Variants in SGCZ observed in about 807,000 individuals in gnomAD.
SGCZ encodes sarcoglycan zeta.
Under a neutral mutation model 41.3 loss-of-function variants are expected in SGCZ, and 40 were observed. The observed-to-expected ratio is 0.97, with a 90% CI of 0.75 to 1.26. The LOEUF (loss-of-function observed/expected upper bound fraction) is 1.26. Among genes scored for constraint, SGCZ ranks in the 50% most tolerant of loss-of-function variants. SGCZ has a pLI of 0.00. For missense variants in SGCZ, 552 were observed against 369.8 expected, an observed-to-expected ratio of 1.49 and a Z score of -4.04; for synonymous variants, 206 against 137.5, an observed-to-expected ratio of 1.50 and a Z score of -3.49.
At chr8:15,113,840 G>A (rs1206466744) in intron 1 of SGCZ, among the ~76,000 whole-genome samples, 1 of 152,172 alleles carries the variant, frequency 6.6e-6, no homozygotes, top group African/African-American at 2.4e-5. Flanking sequence ...ACAGATTTGT[G>A]AGCCATTCCT....
chr8:14,324,300 C>G, intron 2 of SGCZ, 96 bp from the exon 3 acceptor site: 1 of 824,882 alleles, frequency 1.2e-6, no homozygotes, highest in Non-Finnish European at 2.0e-6. Context: ...ACAGTGAGCT[C>G]AAATCAGTGA....
chr8:14,864,543 G>C (rs1201405885), intron 1 of SGCZ, among the ~76,000 whole-genome samples: 1 of 152,076 alleles, frequency 6.6e-6, no homozygotes, highest in Non-Finnish European at 1.5e-5. Flanking sequence ...TTGTGTCCCG[G>C]TGACTTGTAT....
At chr8:15,033,109 C>A (rs1803741218) in intron 1 of SGCZ, among the ~76,000 whole-genome samples, 1 of 152,030 alleles carries the variant, frequency 6.6e-6, no homozygotes, top group Non-Finnish European at 1.5e-5. Flanking sequence ...AGGCTCAGGT[C>A]CAGGCCTGCT....
In SGCZ at chr8:14,478,264, G is replaced by A. The variant is rs536309482; in HGVS notation, c.234+76468C>T. On this transcript the variant is annotated intron_variant, in intron 2 of 7. Transcript: ENST00000382080. ...AAGAATGTTTATAGCAGCTTTATTTGCCAAACTGGTAAGCAACCAAGATGT... is the reference window on the plus strand; with the variant it reads ...AAGAATGTTTATAGCAGCTTTATTTACCAAACTGGTAAGCAACCAAGATGT... Among the ~76,000 whole-genome samples, 5 of 152,322 alleles carry A rather than the reference G, an allele frequency of 3.3e-5. No individual in the cohort carries two copies. The East Asian group carries it at 7.7e-4, about 24-fold the overall frequency.
At chr8:14,831,316 T>C (rs532520872) in intron 1 of SGCZ, among the ~76,000 whole-genome samples, 3 of 152,270 alleles carry the variant, frequency 2.0e-5, no homozygotes, top group African/African-American at 7.2e-5. Flanking sequence ...TGCTTCACTG[T>C]TAAATAAATA....
chr8:14,902,898 G>A (rs576347227), intron 1 of SGCZ, among the ~76,000 whole-genome samples: 42 of 152,006 alleles, frequency 2.8e-4, no homozygotes, highest in Middle Eastern at 3.4e-3. Flanking sequence ...ATGAATATAC[G>A]TCTCCCTGAT....
chr8:14,431,552 A>C (rs889975371), intron 2 of SGCZ, among the ~76,000 whole-genome samples: 9 of 152,238 alleles, frequency 5.9e-5, no homozygotes, highest in African/African-American at 1.9e-4. Flanking sequence ...AGATGGATCA[A>C]GAACTTCCAT....
At chr8:14,440,715 AC>A (rs1800228343) in intron 2 of SGCZ, among the ~76,000 whole-genome samples, 1 of 80,240 alleles carries the variant, frequency 1.2e-5, no homozygotes, top group Non-Finnish European at 3.1e-5. Context: ...GTATATACAT[AC>A]GTATACACGT....
rs563831031 is a variant in SGCZ at position 15,161,856 on chromosome 8, G to A, written c.39+75729C>T. ...TCAAGACCAGCCTGGGCAACATGAC[G>A]AAACCCCATATCTATAAAAATTACA... On this transcript the variant is annotated intron_variant, in intron 1 of 7. Coordinates refer to ENST00000382080, the MANE Select transcript of SGCZ (RefSeq NM_139167.4). Among the ~76,000 whole-genome samples, 17 of 152,184 alleles carry A rather than the reference G, an allele frequency of 1.1e-4. No homozygotes were observed. In the East Asian group the frequency reaches 1.2e-3, roughly 10 times the overall value.
rs367632622 is a variant in SGCZ at position 14,473,569 on chromosome 8, T to C, written c.234+81163A>G. ...TTGTCAACTACATAGGTGTTAGTGATAGGTATTAGTGAAAACATGTGGTGA... is the reference window on the plus strand; with the variant it reads ...TTGTCAACTACATAGGTGTTAGTGACAGGTATTAGTGAAAACATGTGGTGA... On this transcript the variant is annotated intron_variant, in intron 2 of 7. Coordinates refer to ENST00000382080, the MANE Select transcript of SGCZ (RefSeq NM_139167.4). Among the ~76,000 whole-genome samples, 12 of 152,288 alleles carry C rather than the reference T, an allele frequency of 7.9e-5. No individual in the cohort carries two copies. The East Asian group carries it at 1.7e-3, about 22-fold the overall frequency.
At chr8:15,031,504 C>T (rs1005801221) in intron 1 of SGCZ, among the ~76,000 whole-genome samples, 1 of 152,270 alleles carries the variant, frequency 6.6e-6, no homozygotes, top group Admixed American at 6.5e-5. Context: ...ATGCTCGCCA[C>T]CCCTGAAGGA....
At chr8:15,029,028 G>A (rs1185009752) in intron 1 of SGCZ, among the ~76,000 whole-genome samples, 7 of 152,054 alleles carry the variant, frequency 4.6e-5, no homozygotes, top group African/African-American at 1.7e-4. Flanking sequence ...ATAACTACCT[G>A]TTACAACATC....
intron 4 of SGCZ, among the ~76,000 whole-genome samples, chr8:14,194,941 C>T (rs970731421): frequency 3.3e-5 from 5 of 152,026 alleles, no homozygotes; most frequent in African/African-American, 7.2e-5. Flanking sequence ...AGAAACCTCA[C>T]GTGCAGAATT....
intron 1 of SGCZ, among the ~76,000 whole-genome samples, chr8:15,075,648 T>G (rs1162464358): frequency 1.3e-5 from 2 of 152,128 alleles, no homozygotes; most frequent in African/African-American, 4.8e-5. Flanking sequence ...CAGTTACTCT[T>G]TCATTACTCT....
chr8:14,972,354 G>A (rs1298527659), intron 1 of SGCZ, among the ~76,000 whole-genome samples: 1 of 151,818 alleles, frequency 6.6e-6, no homozygotes, highest in Admixed American at 6.6e-5. Flanking sequence ...TTAGTTGATT[G>A]ATTTTCTTTT....
intron 1 of SGCZ, among the ~76,000 whole-genome samples, chr8:14,706,202 T>C (rs937013655): frequency 6.6e-6 from 1 of 152,114 alleles, no homozygotes; most frequent in Non-Finnish European, 1.5e-5. Context: ...TAAATGAGTT[T>C]TGAATTAAAA....
At chr8:14,721,224 GT>G (rs1563224959) in intron 1 of SGCZ, among the ~76,000 whole-genome samples, 1 of 152,054 alleles carries the variant, frequency 6.6e-6, no homozygotes, top group African/African-American at 2.4e-5. Context: ...ATTGCATCTA[GT>G]TCCATGGTTT....
chr8:14,301,584 A>T (rs1172174048), intron 3 of SGCZ, among the ~76,000 whole-genome samples: 2 of 152,136 alleles, frequency 1.3e-5, no homozygotes, highest in African/African-American at 4.8e-5. Context: ...GATATTTCTC[A>T]GTCTTCAACT....
At position 14,992,309 on chromosome 8, in the gene SGCZ, A is replaced by G. The variant is rs146269130; in HGVS notation, c.39+245276T>C. On this transcript the variant is annotated intron_variant, in intron 1 of 7. Coordinates refer to ENST00000382080, the MANE Select transcript of SGCZ (RefSeq NM_139167.4). The stretch of plus-strand genomic sequence containing the variant: ...AACTCCAAAACTAATGTTGGCATTG[A>G]TATTTACCCCTCACCCATCCTCCTC... 5.2e-3 allele frequency among the ~76,000 whole-genome samples: 781 copies of G among 150,010 alleles called. 10 individuals are homozygous for G. The highest frequency in any genetic ancestry group is 0.018 in the African/African-American group (715 of 40,298).
Sources: allele counts gnomAD v4.1 joint callset (sites outside exome capture counted in the v4.1 genomes callset), GRCh38; gene constraint gnomAD v4.1.1; transcripts MANE v1.5; gene names NCBI Gene and HGNC (gene_info 2026-07-23, HGNC 2026-07-21).